The following SMARCC1 variants were observed in gnomAD, a reference collection of about 807,000 sequenced individuals.
The protein encoded by SMARCC1 is SWI/SNF related BAF chromatin remodeling complex subunit C1.
Under a neutral mutation model 147.4 loss-of-function variants are expected in SMARCC1, and 43 were observed. That is an observed-to-expected ratio of 0.29 (90% confidence interval 0.23 to 0.38). The LOEUF (loss-of-function observed/expected upper bound fraction) is 0.38. Among genes scored for constraint, SMARCC1 ranks in the 10% least tolerant of loss-of-function variants. The pLI is 1.00. For missense variants in SMARCC1, 1,119 were observed against 1,381.1 expected (o/e 0.81, Z 3.01); for synonymous variants, 495 against 484.4 (o/e 1.02, Z -0.29).
At chr3:47,597,887 T>A (rs1387333593) in intron 26 of SMARCC1, among the ~76,000 whole-genome samples, 2 of 152,160 alleles carry the variant, frequency 1.3e-5, no homozygotes, top group Admixed American at 6.5e-5. Context: ...GAAGATGGGA[T>A]GACGTGAAGA....
chr3:47,602,910 G>A (rs913481436), intron 26 of SMARCC1, among the ~76,000 whole-genome samples: 2 of 152,136 alleles, frequency 1.3e-5, no homozygotes, highest in Non-Finnish European at 2.9e-5. Context: ...AGCACTTTGG[G>A]AGGCCAAGGC....
In SMARCC1 at chr3:47,745,938, GC is replaced by G; in HGVS notation, c.370del (p.Ala124LeufsTer30). On this transcript the variant is annotated frameshift_variant, in exon 3 of 28. Coordinates refer to ENST00000254480, the MANE Select transcript of SMARCC1 (RefSeq NM_003074.4). LOFTEE classifies it high-confidence loss of function. ...AGGALCHILG[A>X]AYKYKNEQGW... ...CTGTTCATTTTTATACTTGTAAGCA[GC>G]CCCAAGAATGTGACATAAGGCGCCT... is the stretch of plus-strand genomic sequence containing the variant. 1 of 1,585,284 alleles carries G rather than the reference GC, an allele frequency of 6.3e-7. No homozygotes were observed. Among genetic ancestry groups the G allele is most frequent in the Non-Finnish European group, 8.5e-7 (1 of 1,170,680 alleles).
intron 21 of SMARCC1, among the ~76,000 whole-genome samples, chr3:47,646,159 AAAAT>A (rs869260053): frequency 4.0e-4 from 61 of 152,356 alleles, no homozygotes; most frequent in African/African-American, 1.4e-3. Flanking sequence ...GTCTCTAAAA[AAAAT>A]AAATAATTTA....
At chr3:47,755,989 TAAAAAA>T (rs34001771) in intron 2 of SMARCC1, among the ~76,000 whole-genome samples, 1 of 22,894 alleles carries the variant, frequency 4.4e-5, no homozygotes, top group Non-Finnish European at 7.5e-5. Context: ...GGCTTCATCT[TAAAAAA>T]AAAAAAAAAA....
At chr3:47,670,360 G>C in intron 19 of SMARCC1, 2 of 348,474 alleles carry the variant, frequency 5.7e-6, no homozygotes, top group East Asian at 5.2e-5. Flanking sequence ...CAAGGTGGGA[G>C]GATTGCTTGA....
intron 24 of SMARCC1, among the ~76,000 whole-genome samples, chr3:47,627,575 T>C (rs1028728140): frequency 2.6e-5 from 4 of 152,086 alleles, no homozygotes; most frequent in African/African-American, 9.7e-5. Context: ...AAAGATCCAA[T>C]CCAGAGCACT....
chr3:47,615,284 C>T (rs2032624052), intron 25 of SMARCC1, among the ~76,000 whole-genome samples: 1 of 152,150 alleles, frequency 6.6e-6, no homozygotes, highest in Non-Finnish European at 1.5e-5. Flanking sequence ...TTTTATCTAC[C>T]ACTGTATCCT....
chr3:47,739,772 T>A (rs986259163), intron 3 of SMARCC1, among the ~76,000 whole-genome samples: 1 of 152,188 alleles, frequency 6.6e-6, no homozygotes, highest in African/African-American at 2.4e-5. Context: ...CTTTTTAAAC[T>A]CTATAGCCTT....
At position 47,667,794 on chromosome 3, in the gene SMARCC1, G is replaced by C. The variant is rs201759736; in HGVS notation, c.1899+2864C>G. Among the ~76,000 whole-genome samples, 4 of 152,178 alleles carry C rather than the reference G, an allele frequency of 2.6e-5. No homozygotes were observed. In the East Asian group the frequency reaches 7.7e-4, roughly 29 times the overall value. On this transcript the variant is annotated intron_variant, in intron 19 of 27. Transcript: ENST00000254480. ...CGGGAGGCTGAGGCAGAAGAACTGC[G>C]TGAACCCAGGAGGCAGAGGTTGCAG...
chr3:47,598,913 A>T (rs552542660), intron 26 of SMARCC1, among the ~76,000 whole-genome samples: 3 of 151,350 alleles, frequency 2.0e-5, no homozygotes, highest in Admixed American at 6.6e-5. Context: ...AGAGAGAAGA[A>T]GGTGATGTAA....
chr3:47,733,304 T>G (rs2034398811), intron 5 of SMARCC1, among the ~76,000 whole-genome samples: 1 of 150,556 alleles, frequency 6.6e-6, no homozygotes, highest in South Asian at 2.1e-4. Context: ...CAGGGCGGGT[T>G]CTGCGGCTCA....
rs951986489 is a variant in SMARCC1 at position 47,587,800 on chromosome 3, CAG to C, written c.*407_*408del. The stretch of plus-strand genomic sequence containing the variant: ...ATGCTCTCCTTTAAAACAATAATAA[CAG>C]AAAGATAAAAAGATAATGATTATAT... On this transcript the variant is annotated 3_prime_UTR_variant, in exon 28 of 28. Transcript: ENST00000254480. 2 of 161,768 alleles carry C rather than the reference CAG, an allele frequency of 1.2e-5. No individual in the cohort carries two copies. Among genetic ancestry groups the C allele is most frequent in the African/African-American group, 4.8e-5 (2 of 41,422 alleles). The allele number at this position is 161,768 out of a possible 1,614,324, so 10.0% of individuals were successfully genotyped here.
At chr3:47,700,666 A>G in intron 11 of SMARCC1, among the ~76,000 whole-genome samples, 1 of 152,184 alleles carries the variant, frequency 6.6e-6, no homozygotes, top group African/African-American at 2.4e-5. Context: ...CGGGAATTAC[A>G]GGCACGCACC....
intron 12 of SMARCC1, among the ~76,000 whole-genome samples, chr3:47,692,390 A>G (rs2033801016): frequency 6.6e-6 from 1 of 152,214 alleles, no homozygotes; most frequent in East Asian, 1.9e-4. Flanking sequence ...TAGAAACTTT[A>G]ATTTGGCTTA....
intron 24 of SMARCC1, among the ~76,000 whole-genome samples, chr3:47,626,943 C>T (rs1336184921): frequency 6.6e-6 from 1 of 152,128 alleles, no homozygotes; most frequent in African/African-American, 2.4e-5. Flanking sequence ...CTAATGAAGC[C>T]GTCTCAGACC....
intron 26 of SMARCC1, among the ~76,000 whole-genome samples, chr3:47,594,159 C>G (rs2032230673): frequency 8.0e-6 from 1 of 125,670 alleles, no homozygotes; most frequent in Non-Finnish European, 1.8e-5. Context: ...GAATGAAACT[C>G]CAAAAAAAAA....
chr3:47,760,376 T>G (rs9847644), intron 2 of SMARCC1, among the ~76,000 whole-genome samples: 2,504 of 152,170 alleles, frequency 0.016, 61 homozygotes, highest in African/African-American at 0.048. Flanking sequence ...AAATGTTAAG[T>G]CATGGGCCAG....
At chr3:47,707,888 T>C (rs541004638) in intron 9 of SMARCC1, among the ~76,000 whole-genome samples, 1 of 152,154 alleles carries the variant, frequency 6.6e-6, no homozygotes, top group African/African-American at 2.4e-5. Flanking sequence ...CATGCTAAAA[T>C]GAAAAAATCC....
intron 24 of SMARCC1, among the ~76,000 whole-genome samples, chr3:47,633,290 T>C (rs1315962890): frequency 2.0e-5 from 3 of 152,082 alleles, no homozygotes; most frequent in Non-Finnish European, 2.9e-5. Flanking sequence ...GAGTGAGCAG[T>C]TGAACATTAG....
Sources: allele counts gnomAD v4.1 joint callset (sites outside exome capture counted in the v4.1 genomes callset), GRCh38; gene constraint gnomAD v4.1.1; transcripts MANE v1.5; gene names NCBI Gene and HGNC (gene_info 2026-07-23, HGNC 2026-07-21).